SOX6: variants seen among roughly 807,000 people sequenced by gnomAD.
SOX6 encodes transcription factor SOX-6.
In SOX6, 11 loss-of-function variants were observed where a neutral mutation model predicts 97.8. The observed-to-expected ratio is 0.11, with a 90% confidence interval of 0.07 to 0.19. The LOEUF is 0.19. SOX6 is among the 10% of genes least tolerant of loss of function. SOX6 has a pLI of 1.00. For synonymous variants in SOX6, 360 were observed against 371.4 expected, an observed-to-expected ratio of 0.97 and a Z score of 0.35; for missense variants, 810 against 1,039.5, an observed-to-expected ratio of 0.78 and a Z score of 3.04.
At chr11:16,485,961 G>A (rs1278891468) in intron 4 of SOX6, among the ~76,000 whole-genome samples, 349 of 8,256 alleles carry the variant, frequency 0.042, no homozygotes, top group East Asian at 0.075. Flanking sequence ...GGGAGGGGAG[G>A]GGAGGGGAGG....
intron 9 of SOX6, among the ~76,000 whole-genome samples, chr11:16,081,341 T>C (rs553165077): frequency 6.6e-6 from 1 of 152,234 alleles, no homozygotes; most frequent in East Asian, 1.9e-4. Flanking sequence ...GAAATCACCC[T>C]TGGCTCTTCA....
At chr11:16,191,820 A>G (rs545869197) in intron 4 of SOX6, among the ~76,000 whole-genome samples, 1 of 148,974 alleles carries the variant, frequency 6.7e-6, no homozygotes, top group South Asian at 2.2e-4. Context: ...CTGTTCTCCA[A>G]CTCCAAAGAC....
intron 4 of SOX6, among the ~76,000 whole-genome samples, chr11:16,189,535 A>G (rs905839094): frequency 2.0e-5 from 3 of 152,126 alleles, no homozygotes; most frequent in Non-Finnish European, 2.9e-5. Flanking sequence ...GGAATAGAGC[A>G]TTAGATTAGG....
intron 13 of SOX6, among the ~76,000 whole-genome samples, chr11:15,993,460 T>C (rs971735934): frequency 6.6e-6 from 1 of 151,572 alleles, no homozygotes; most frequent in Non-Finnish European, 1.5e-5. Context: ...GGAAAGCAGT[T>C]AGAAGCCTAG....
chr11:16,413,629 TC>T (rs1858868170), intron 1 of SOX6, among the ~76,000 whole-genome samples: 1 of 147,970 alleles, frequency 6.8e-6, no homozygotes, highest in African/African-American at 2.5e-5. Context: ...CAAGCGATTC[TC>T]CAGCCTCAGC....
Position 16,717,916 on chromosome 11 carries a change from T to C in SOX6, n.354-3011A>G, listed in dbSNP as rs1462301720. Among the ~76,000 whole-genome samples, 8 of 151,672 alleles carry C rather than the reference T, an allele frequency of 5.3e-5. No individual in the cohort carries two copies. In the East Asian group the frequency reaches 1.5e-3, roughly 29 times the overall value. ...TGGCTCAGAAATGTAAAATAAGCTA[T>C]GGCAACATCCATTATAACTGTTCTT... On this transcript the variant is annotated intron_variant and non_coding_transcript_variant, in intron 2 of 5. Coordinates refer to the SOX6 transcript ENST00000524520.
At chr11:16,323,127 C>T (rs925365901) in intron 2 of SOX6, among the ~76,000 whole-genome samples, 17 of 152,048 alleles carry the variant, frequency 1.1e-4, no homozygotes, top group African/African-American at 3.9e-4. Flanking sequence ...TTAAAAGTAT[C>T]CTAGTCCCAA....
intron 3 of SOX6, among the ~76,000 whole-genome samples, chr11:16,689,466 T>C (rs1847995829): frequency 6.6e-6 from 1 of 152,346 alleles, no homozygotes; most frequent in East Asian, 1.9e-4. Context: ...TGATGTCCAA[T>C]GGCTTGAAAA....
chr11:16,584,350 A>T (rs1388634093), intron 4 of SOX6, among the ~76,000 whole-genome samples: 2 of 152,186 alleles, frequency 1.3e-5, no homozygotes, highest in African/African-American at 4.8e-5. Flanking sequence ...TGCATTCCCA[A>T]GCTCTAATAG....
At chr11:16,687,731 T>C (rs1847980225) in intron 3 of SOX6, among the ~76,000 whole-genome samples, 1 of 152,126 alleles carries the variant, frequency 6.6e-6, no homozygotes. Context: ...CAGTTCTTGC[T>C]TTGTTGCCCA....
chr11:16,449,130 T>C (rs1355847881), intron 1 of SOX6, among the ~76,000 whole-genome samples: 3 of 151,878 alleles, frequency 2.0e-5, no homozygotes, highest in Non-Finnish European at 4.4e-5. Context: ...AAACCAAGAG[T>C]CCAAATTGTG....
At chr11:16,177,184 T>C (rs1347922750) in intron 6 of SOX6, among the ~76,000 whole-genome samples, 1 of 151,968 alleles carries the variant, frequency 6.6e-6, no homozygotes, top group Non-Finnish European at 1.5e-5. Flanking sequence ...TTTTAAAGTA[T>C]GGCTTATGAT....
At chr11:16,220,287 A>T (rs147884262) in intron 4 of SOX6, among the ~76,000 whole-genome samples, 2,668 of 152,126 alleles carry the variant, frequency 0.018, 34 homozygotes, top group Middle Eastern at 0.058. Context: ...TTATATAGAA[A>T]ACAACATTTT....
intron 4 of SOX6, among the ~76,000 whole-genome samples, chr11:16,553,401 T>G (rs1228359885): frequency 1.3e-5 from 2 of 152,164 alleles, no homozygotes; most frequent in African/African-American, 2.4e-5. Flanking sequence ...GCAGGTTAAT[T>G]AGAACTTTCT....
intron 6 of SOX6, among the ~76,000 whole-genome samples, chr11:16,156,984 T>G (rs143340995): frequency 6.6e-6 from 1 of 152,194 alleles, no homozygotes; most frequent in East Asian, 1.9e-4. Flanking sequence ...CTTAGTGTAT[T>G]ATCACTGCTC....
chr11:16,333,229 T>A (rs1431587053), intron 2 of SOX6, among the ~76,000 whole-genome samples: 1 of 152,202 alleles, frequency 6.6e-6, no homozygotes, highest in Non-Finnish European at 1.5e-5. Flanking sequence ...GTTGTCTCCA[T>A]CTTATTCCTG....
chr11:16,042,913 G>T (rs1414797051), intron 12 of SOX6, among the ~76,000 whole-genome samples: 1 of 152,144 alleles, frequency 6.6e-6, no homozygotes, highest in Non-Finnish European at 1.5e-5. Flanking sequence ...TGATCAGTAG[G>T]TAATCAGTCT....
At chr11:16,243,400 T>C (rs1234314447) in intron 3 of SOX6, among the ~76,000 whole-genome samples, 1 of 151,946 alleles carries the variant, frequency 6.6e-6, no homozygotes, top group Non-Finnish European at 1.5e-5. Context: ...TGTTTTTCCA[T>C]AATGCTTAAC....
intron 6 of SOX6, among the ~76,000 whole-genome samples, chr11:16,127,936 T>C (rs1344149928): frequency 6.6e-6 from 1 of 152,202 alleles, no homozygotes; most frequent in Non-Finnish European, 1.5e-5. Flanking sequence ...ATTAGACTGA[T>C]TCAGTCACAG....
Sources: gnomAD v4.1 joint callset for allele counts (sites outside exome capture counted in the v4.1 genomes callset) on GRCh38, gnomAD v4.1.1 for gene constraint, MANE v1.5 for transcripts, NCBI Gene and HGNC (gene_info 2026-07-23, HGNC 2026-07-21) for gene names.